The following PHKB variants were observed in gnomAD, a reference collection of about 807,000 sequenced individuals.
The protein encoded by PHKB is phosphorylase kinase regulatory subunit beta.
In PHKB, 122 loss-of-function variants were observed where a neutral mutation model predicts 152.1. The observed-to-expected ratio is 0.80, with a 90% CI of 0.69 to 0.93. PHKB has a LOEUF of 0.93. Ranked by LOEUF, PHKB falls within the 40% of genes least tolerant of loss-of-function variation. The pLI is 0.00. For synonymous variants in PHKB, 436 were observed against 464.9 expected (o/e 0.94, Z 0.80); for missense variants, 1,304 against 1,328.4 (o/e 0.98, Z 0.29).
chr16:47,533,013 A>G (rs1422430048), intron 6 of PHKB, among the ~76,000 whole-genome samples: 1 of 152,022 alleles, frequency 6.6e-6, no homozygotes, highest in Non-Finnish European at 1.5e-5. Flanking sequence ...TAAGTGTTCA[A>G]CTCCTAGCAG....
At chr16:47,561,055 C>A (rs1971467903) in intron 7 of PHKB, among the ~76,000 whole-genome samples, 1 of 152,130 alleles carries the variant, frequency 6.6e-6, no homozygotes, top group Admixed American at 6.6e-5. Context: ...TAAGGTGCCA[C>A]ATGTTCATTC....
At chr16:47,686,664 CTTA>C (rs1973970960) in intron 26 of PHKB, among the ~76,000 whole-genome samples, 1 of 152,156 alleles carries the variant, frequency 6.6e-6, no homozygotes, top group Non-Finnish European at 1.5e-5. Context: ...TATATAATGA[CTTA>C]TTTGGTACAT....
At chr16:47,584,717 C>T (rs913609689) in intron 8 of PHKB, among the ~76,000 whole-genome samples, 5 of 152,144 alleles carry the variant, frequency 3.3e-5, no homozygotes, top group African/African-American at 1.2e-4. Context: ...AGAAAATCTC[C>T]TGACCATAGT....
In PHKB at chr16:47,648,625, G is replaced by A; in HGVS notation, c.1692+9G>A. 6.3e-7 allele frequency: 1 copy of A among 1,592,760 alleles called. No individual in the cohort carries two copies. Among genetic ancestry groups the A allele is most frequent in the Non-Finnish European group, 8.6e-7 (1 of 1,160,650 alleles). The stretch of plus-strand genomic sequence containing the variant: ...GCCTCGGGACATCAAAGGTACTCAT[G>A]AAATGTCCTCAAAAAGTAGTTTTTG... On this transcript the variant is annotated intron_variant, in intron 17 of 30. Transcript: ENST00000323584.
chr16:47,552,230 G>T (rs1971284493), intron 7 of PHKB, among the ~76,000 whole-genome samples: 1 of 152,116 alleles, frequency 6.6e-6, no homozygotes, highest in African/African-American at 2.4e-5. Flanking sequence ...GTTAATATTG[G>T]TATTTCAGAA....
chr16:47,574,109 A>G lies in PHKB; in HGVS notation c.711-6186A>G, dbSNP rs1971710252. The stretch of plus-strand genomic sequence containing the variant: ...TAATTTTTGTATTTTTAGTAGAGAC[A>G]GGGTTTCGCCATGTTGACCAGGCTG... On this transcript the variant is annotated intron_variant, in intron 7 of 30. Coordinates refer to ENST00000323584, the MANE Select transcript of PHKB (RefSeq NM_000293.3). Among the ~76,000 whole-genome samples the G allele has an allele frequency of 2.6e-5, 4 of 152,132 alleles. No homozygotes were observed. In the South Asian group the frequency reaches 8.3e-4, roughly 32 times the overall value.
rs200649283 is a variant in PHKB at position 47,516,699 on chromosome 16, ATT to A, written c.594+1099_594+1100del. 8.5e-3 allele frequency among the ~76,000 whole-genome samples: 1,293 copies of A among 152,314 alleles called. 19 individuals are homozygous for A. The highest frequency in any genetic ancestry group is 0.029 in the African/African-American group (1,212 of 41,564). Reference sequence around the variant, plus strand: ...GTAGCCCTGCCCTCTAGTAGTTTATATTCTCATACACACTTATAGTGTATGAG... The same window carrying A: ...GTAGCCCTGCCCTCTAGTAGTTTATACTCATACACACTTATAGTGTATGAG... On this transcript the variant is annotated intron_variant, in intron 6 of 30. Coordinates refer to ENST00000323584, the MANE Select transcript of PHKB (RefSeq NM_000293.3).
At position 47,685,908 on chromosome 16, in the gene PHKB, A is replaced by AT. The variant is rs1314113976; in HGVS notation, c.2631-3127dup. ...AGGCGCCTGCCACCACACCTGGCTG[A>AT]TTTTTTGTATTTTTAGTGGAGACAG... On this transcript the variant is annotated intron_variant, in intron 26 of 30. Coordinates refer to ENST00000323584, the MANE Select transcript of PHKB (RefSeq NM_000293.3). 7.2e-5 allele frequency among the ~76,000 whole-genome samples: 11 copies of AT among 151,764 alleles called. No individual in the cohort carries two copies. In the South Asian group the frequency reaches 1.3e-3, roughly 17 times the overall value.
At chr16:47,558,184 T>G (rs1001134486) in intron 7 of PHKB, among the ~76,000 whole-genome samples, 6 of 135,916 alleles carry the variant, frequency 4.4e-5, no homozygotes, top group African/African-American at 1.7e-4. Flanking sequence ...ACTTGAACAA[T>G]GAGAACACAT....
At chr16:47,538,166 A>T (rs976946174) in intron 6 of PHKB, among the ~76,000 whole-genome samples, 2 of 152,134 alleles carry the variant, frequency 1.3e-5, no homozygotes, top group Admixed American at 1.3e-4. Context: ...AAGTGCTAGG[A>T]TTGTAGGCAT....
Position 47,588,927 on chromosome 16 carries a change from C to G in PHKB, c.893C>G (p.Pro298Arg), listed in dbSNP as rs558898797. The change falls in exon 10 of 31, where the codon CCC (proline) becomes CGC (arginine). Residue 298 changes from proline to arginine, a missense_variant. Coordinates refer to ENST00000323584, the MANE Select transcript of PHKB (RefSeq NM_000293.3). ...CAGAATACAGATGCTGCCCTGCTCC[C>G]CTGCATCAGTTATCCTGCATTTGCC... ...RSHNTDAALL[P>R]CISYPAFALD... 6.2e-7 allele frequency: 1 copy of G among 1,613,716 alleles called. No individual in the cohort carries two copies. Among genetic ancestry groups the G allele is most frequent in the African/African-American group, 1.3e-5 (1 of 74,900 alleles).
At chr16:47,559,962 T>A (rs566228098) in intron 7 of PHKB, among the ~76,000 whole-genome samples, 1 of 152,358 alleles carries the variant, frequency 6.6e-6, no homozygotes, top group South Asian at 2.1e-4. Context: ...CTGCTGCCAT[T>A]AGTGTGCTAA....
At chr16:47,498,073 GT>G (rs894997918) in intron 2 of PHKB, among the ~76,000 whole-genome samples, 7 of 152,034 alleles carry the variant, frequency 4.6e-5, no homozygotes, top group Non-Finnish European at 1.0e-4. Context: ...TAATCTTTTT[GT>G]CAGTTTACCT....
At chr16:47,489,694 C>T (rs1382628172) in intron 1 of PHKB, among the ~76,000 whole-genome samples, 1 of 152,176 alleles carries the variant, frequency 6.6e-6, no homozygotes, top group Non-Finnish European at 1.5e-5. Flanking sequence ...GTTAGGAGCA[C>T]TGTACAAGAA....
intron 26 of PHKB, among the ~76,000 whole-genome samples, chr16:47,672,940 T>TA (rs1263538693): frequency 6.6e-6 from 1 of 152,106 alleles, no homozygotes; most frequent in African/African-American, 2.4e-5. Context: ...AACTGACTCA[T>TA]AAAGAAATTT....
chr16:47,576,168 C>A (rs926197000), intron 7 of PHKB, among the ~76,000 whole-genome samples: 2 of 151,996 alleles, frequency 1.3e-5, no homozygotes, highest in Non-Finnish European at 2.9e-5. Flanking sequence ...GCACTTGTGC[C>A]CCTTAAATTT....
chr16:47,565,871 AT>A, intron 7 of PHKB: 1 of 1,225,080 alleles, frequency 8.2e-7, no homozygotes, highest in Non-Finnish European at 1.2e-6. Context: ...TAGCAGAGGA[AT>A]TATCTTCCTT....
Position 47,648,584 on chromosome 16 carries a change from G to C in PHKB, c.1660G>C (p.Asp554His), listed in dbSNP as rs1460309537. ...AAAGTTAGGACTCTCTGGAAGGCCA[G>C]ACAGGCCCATTGGCTGCCTCGGGAC... is the stretch of plus-strand genomic sequence containing the variant. ...NEKLGLSGRP[D>H]RPIGCLGTSK... Residue 554 changes from aspartate to histidine, a missense_variant, in exon 17 of 31, where the codon GAC becomes CAC. Coordinates refer to ENST00000323584, the MANE Select transcript of PHKB (RefSeq NM_000293.3). 2.5e-6 allele frequency: 4 copies of C among 1,613,374 alleles called. No individual in the cohort carries two copies. The highest frequency in any genetic ancestry group is 3.4e-6 in the Non-Finnish European group (4 of 1,179,380).
At chr16:47,645,825 A>G (rs1222984151) in intron 16 of PHKB, among the ~76,000 whole-genome samples, 1 of 124,346 alleles carries the variant, frequency 8.0e-6, no homozygotes, top group Non-Finnish European at 1.7e-5. Context: ...CAAAACCACT[A>G]TGAGATATCA....
Sources: allele counts gnomAD v4.1 joint callset (sites outside exome capture counted in the v4.1 genomes callset), GRCh38; gene constraint gnomAD v4.1.1; transcripts MANE v1.5; gene names NCBI Gene and HGNC (gene_info 2026-07-23, HGNC 2026-07-21).